Variants in PYM1 observed in about 807,000 individuals in gnomAD.
PYM1 encodes partner of Y14 and mago.
Under a neutral mutation model 20.7 loss-of-function variants are expected in PYM1, and 7 were observed. That is an observed-to-expected ratio of 0.34 (90% CI 0.19 to 0.64). PYM1 has a LOEUF of 0.64. Ranked by LOEUF, PYM1 falls within the 30% of genes least tolerant of loss-of-function variation. The probability of loss-of-function intolerance (pLI) is 0.74; values close to 1 mark genes in which losing one functional copy is unlikely to be tolerated. For synonymous variants in PYM1, 100 were observed against 99.2 expected (o/e 1.01, Z -0.05); for missense variants, 194 against 250.0 (o/e 0.78, Z 1.51).
At chr12:55,910,050 A>T (rs1882892577) in intron 1 of PYM1, among the ~76,000 whole-genome samples, 3 of 152,078 alleles carry the variant, frequency 2.0e-5, no homozygotes, top group Non-Finnish European at 4.4e-5. Context: ...ACTATACAAA[A>T]ATTAGCTGTG....
In PYM1 at chr12:55,927,776, C is replaced by G; in HGVS notation, c.-15G>C. 6.5e-7 allele frequency: 1 copy of G among 1,538,088 alleles called. No homozygotes were observed. The highest frequency in any genetic ancestry group is 8.7e-7 in the Non-Finnish European group (1 of 1,145,984). ...GCAGCTTCCATGGCCGAAGAGGCAG[C>G]GGACCAGGTTGGGCGGGCGGCCCTG... On this transcript the variant is annotated 5_prime_UTR_variant, in exon 1 of 3. Transcript: ENST00000408946.
At chr12:55,903,349 C>T (rs778912569) in intron 2 of PYM1, 38 bp downstream of exon 2, 1 of 1,571,222 alleles carries the variant, frequency 6.4e-7, no homozygotes, top group Non-Finnish European at 8.8e-7. Flanking sequence ...CTGTAGGGAC[C>T]CCATCAGAAA....
chr12:55,918,539 C>G (rs1177816975), intron 1 of PYM1, among the ~76,000 whole-genome samples: 1 of 152,114 alleles, frequency 6.6e-6, no homozygotes, highest in Non-Finnish European at 1.5e-5. Flanking sequence ...TCAAGACCAT[C>G]CTGGGTAAGA....
chr12:55,922,187 G>A (rs1008868916), intron 1 of PYM1, among the ~76,000 whole-genome samples: 10 of 151,934 alleles, frequency 6.6e-5, no homozygotes, highest in Non-Finnish European at 1.5e-4. Context: ...TTTTTAAGGA[G>A]AGCACAACTC....
chr12:55,906,167 T>C (rs1226557176), intron 1 of PYM1, among the ~76,000 whole-genome samples: 1 of 149,654 alleles, frequency 6.7e-6, no homozygotes, highest in Admixed American at 6.8e-5. Flanking sequence ...TTTTTTCAAG[T>C]AAAAAATACT....
At chr12:55,924,030 C>A (rs1047955184) in intron 1 of PYM1, among the ~76,000 whole-genome samples, 11 of 150,556 alleles carry the variant, frequency 7.3e-5, no homozygotes, top group Non-Finnish European at 1.5e-4. Context: ...GAGCCGAGAT[C>A]GCGCTACTGC....
chr12:55,909,857 C>CAAAAAAG (rs1033553256), intron 1 of PYM1, among the ~76,000 whole-genome samples: 1 of 151,858 alleles, frequency 6.6e-6, no homozygotes, highest in Non-Finnish European at 1.5e-5. Context: ...AAAATAAAAA[C>CAAAAAAG]AAAAAAGAGA....
chr12:55,909,060 G>C (rs1325739941), intron 1 of PYM1, among the ~76,000 whole-genome samples: 1 of 152,074 alleles, frequency 6.6e-6, no homozygotes, highest in Non-Finnish European at 1.5e-5. Flanking sequence ...TAGGAAGCCT[G>C]GTTGGAAATG....
intron 1 of PYM1, among the ~76,000 whole-genome samples, chr12:55,924,584 CA>C (rs1230811912): frequency 6.6e-5 from 10 of 151,894 alleles, no homozygotes; most frequent in African/African-American, 2.2e-4. Flanking sequence ...AGTCTTCTGC[CA>C]AAAGAAGGAG....
chr12:55,927,860 T>A lies in PYM1; in HGVS notation c.-99A>T. The stretch of plus-strand genomic sequence containing the variant: ...TTCGGCGGCGAAGTGATGAGGGCCC[T>A]AGTTGCTTCTCGCCCAGACCTCCTA... On this transcript the variant is annotated 5_prime_UTR_variant, in exon 1 of 3. Coordinates refer to ENST00000408946, the MANE Select transcript of PYM1 (RefSeq NM_032345.3). 1 of 1,444,156 alleles carries A rather than the reference T, an allele frequency of 6.9e-7. No individual in the cohort carries two copies. The highest frequency in any genetic ancestry group is 9.3e-7 in the Non-Finnish European group (1 of 1,079,486). 89.5% of individuals were successfully genotyped at this position (1,444,156 alleles called of 1,614,324 possible).
At chr12:55,911,827 G>A (rs1882928538) in intron 1 of PYM1, among the ~76,000 whole-genome samples, 1 of 150,458 alleles carries the variant, frequency 6.6e-6, no homozygotes, top group South Asian at 2.1e-4. Context: ...GGTGACAAGA[G>A]CGAAACTCCA....
intron 1 of PYM1, among the ~76,000 whole-genome samples, chr12:55,910,406 G>T (rs954134618): frequency 1.3e-5 from 2 of 151,834 alleles, no homozygotes; most frequent in South Asian, 4.1e-4. Flanking sequence ...TCAGCCTGCC[G>T]AGTAGCTGGG....
chr12:55,910,439 G>A (rs553207669), intron 1 of PYM1, among the ~76,000 whole-genome samples: 62 of 151,720 alleles, frequency 4.1e-4, no homozygotes, highest in African/African-American at 1.5e-3. Context: ...CACCACACCT[G>A]GCTAATTACT....
At chr12:55,902,601 C>G (rs1882714259) in intron 2 of PYM1, among the ~76,000 whole-genome samples, 1 of 151,966 alleles carries the variant, frequency 6.6e-6, no homozygotes, top group African/African-American at 2.4e-5. Context: ...CCTCAGCCTC[C>G]CGGGTAGCTG....
intron 1 of PYM1, among the ~76,000 whole-genome samples, chr12:55,905,966 G>GAT (rs1187492937): frequency 5.2e-5 from 6 of 116,428 alleles, no homozygotes; most frequent in Admixed American, 9.6e-5. Context: ...ATATCTAATA[G>GAT]ATATATATAT....
chr12:55,924,262 G>T (rs533042806), intron 1 of PYM1, among the ~76,000 whole-genome samples: 2 of 152,122 alleles, frequency 1.3e-5, no homozygotes, highest in Admixed American at 6.6e-5. Context: ...GGCAACTCGA[G>T]AGAGGGTAGT....
Position 55,902,188 on chromosome 12 carries a change from T to A in PYM1, c.299A>T (p.Gln100Leu), listed in dbSNP as rs1484128238. ...GGCCTCTGCCTCTCCTTTCTCTTGC[T>A]GCTGCCGCCTCTTCTCCTTTCGCTT... Reference protein sequence around the residue: ...NLKRKEKRRQQQEKGEAEALS... With the variant: ...NLKRKEKRRQLQEKGEAEALS... The change falls in exon 3 of 3, where the codon CAG (glutamine) becomes CTG (leucine). Residue 100 changes from glutamine (Q) to leucine (L), a missense_variant. Gln to Leu is a moderately radical substitution (Grantham distance 113). This residue lies in a region of PYM1 where 158 missense variants were observed against 179.0 expected (regional missense o/e 0.88). Transcript: ENST00000408946. 6.2e-7 allele frequency: 1 copy of A among 1,614,076 alleles called. No individual in the cohort carries two copies. The highest frequency in any genetic ancestry group is 2.2e-5 in the East Asian group (1 of 44,884).
chr12:55,927,373 C>G (rs771381525), intron 1 of PYM1: 1 of 719,988 alleles, frequency 1.4e-6, no homozygotes, highest in South Asian at 1.5e-5. Context: ...AGAGAAGTTC[C>G]GAGGCACAGT....
At chr12:55,927,214 G>A in intron 1 of PYM1, 15 of 1,486,318 alleles carry the variant, frequency 1.0e-5, no homozygotes, top group Non-Finnish European at 1.2e-5. Context: ...TAGTCTTAAA[G>A]GGAGAGTGCA....
Sources: gnomAD v4.1 joint callset for allele counts (sites outside exome capture counted in the v4.1 genomes callset) on GRCh38, gnomAD v4.1.1 for gene constraint, gnomAD v4.1.1 regional missense constraint, MANE v1.5 for transcripts, NCBI Gene and HGNC (gene_info 2026-07-23, HGNC 2026-07-21) for gene names.